The following HEMK2 variants were observed in gnomAD, a reference collection of about 807,000 sequenced individuals.
HEMK2 encodes methyltransferase HEMK2.
chr21:28,588,934 T>C, the HEMK2 span, among the ~76,000 whole-genome samples: 1 of 142,546 alleles, frequency 7.0e-6, no homozygotes, highest in Non-Finnish European at 1.5e-5. Context: ...AGTGAGCAGA[T>C]ATCACGCCAC....
the HEMK2 span, among the ~76,000 whole-genome samples, chr21:28,597,479 T>C: frequency 2.0e-5 from 3 of 152,216 alleles, no homozygotes; most frequent in Non-Finnish European, 2.9e-5. Flanking sequence ...TTCAGGGAAG[T>C]GATCAAATTC....
chr21:28,810,689 A>C, the HEMK2 span, among the ~76,000 whole-genome samples: 3 of 152,188 alleles, frequency 2.0e-5, no homozygotes, highest in Admixed American at 2.0e-4. Flanking sequence ...GACAATATCG[A>C]GCACATCTTT....
the HEMK2 span, among the ~76,000 whole-genome samples, chr21:28,774,931 T>C: frequency 6.6e-6 from 1 of 152,190 alleles, no homozygotes; most frequent in African/African-American, 2.4e-5. Context: ...TTGTTTTTAA[T>C]AATTTCATGA....
chr21:28,864,632 C>A, the HEMK2 span, among the ~76,000 whole-genome samples: 1 of 152,178 alleles, frequency 6.6e-6, no homozygotes, highest in African/African-American at 2.4e-5. Flanking sequence ...TAAAAAGTTT[C>A]ACTTCAATCC....
the HEMK2 span, among the ~76,000 whole-genome samples, chr21:28,836,457 G>C: frequency 6.6e-6 from 1 of 151,516 alleles, no homozygotes; most frequent in East Asian, 1.9e-4. Context: ...CCATTACCAA[G>C]CCACCACTAC....
At chr21:28,864,889 TGATA>T in the HEMK2 span, among the ~76,000 whole-genome samples, 4 of 95,470 alleles carry the variant, frequency 4.2e-5, no homozygotes, top group Admixed American at 3.0e-4. Context: ...TAGATATAGA[TGATA>T]GATAGATATA....
At chr21:28,783,871 C>A in the HEMK2 span, among the ~76,000 whole-genome samples, 298 of 152,354 alleles carry the variant, frequency 2.0e-3, 4 homozygotes, top group African/African-American at 7.0e-3. Flanking sequence ...GCACCACCAG[C>A]CCCGGGCAGT....
the HEMK2 span, among the ~76,000 whole-genome samples, chr21:28,841,194 T>TATA: frequency 4.7e-5 from 1 of 21,466 alleles, no homozygotes; most frequent in Admixed American, 9.6e-4. Flanking sequence ...TATTATAATA[T>TATA]ATATATTATA....
chr21:28,793,113 C>A, the HEMK2 span, among the ~76,000 whole-genome samples: 12,506 of 152,144 alleles, frequency 0.082, 1,176 homozygotes, highest in African/African-American at 0.22. Flanking sequence ...ATACAGCACA[C>A]ATTTATTCAC....
chr21:28,631,492 G>T, the HEMK2 span, among the ~76,000 whole-genome samples: 1 of 151,982 alleles, frequency 6.6e-6, no homozygotes, highest in Non-Finnish European at 1.5e-5. Flanking sequence ...ATGAGATCTG[G>T]AAATATGTGT....
the HEMK2 span, among the ~76,000 whole-genome samples, chr21:28,675,239 C>A: frequency 6.6e-6 from 1 of 151,978 alleles, no homozygotes; most frequent in East Asian, 1.9e-4. Flanking sequence ...GAAATAGCAA[C>A]CTTTTGCTGC....
the HEMK2 span, among the ~76,000 whole-genome samples, chr21:28,576,282 G>A: frequency 6.6e-6 from 1 of 151,956 alleles, no homozygotes. Context: ...CCTTTCTTGG[G>A]GTTAAGTGCT....
the HEMK2 span, among the ~76,000 whole-genome samples, chr21:28,696,949 C>T: frequency 2.6e-5 from 4 of 152,146 alleles, no homozygotes; most frequent in Non-Finnish European, 4.4e-5. Context: ...AGCTGGGACA[C>T]GGGGCACCAT....
At chr21:28,638,722 C>T in the HEMK2 span, among the ~76,000 whole-genome samples, 1 of 152,152 alleles carries the variant, frequency 6.6e-6, no homozygotes, top group South Asian at 2.1e-4. Flanking sequence ...TGTCTGGCAG[C>T]TAGATGATCC....
the HEMK2 span, among the ~76,000 whole-genome samples, chr21:28,649,332 C>G: frequency 6.6e-6 from 1 of 152,182 alleles, no homozygotes; most frequent in Non-Finnish European, 1.5e-5. Flanking sequence ...AAAGGGGGCT[C>G]TCGTCTGACC....
At chr21:28,778,974 C>T in the HEMK2 span, among the ~76,000 whole-genome samples, 4 of 152,132 alleles carry the variant, frequency 2.6e-5, no homozygotes, top group Non-Finnish European at 5.9e-5. Context: ...TTACGCATCA[C>T]GTTTTGGTAT....
At chr21:28,703,595 CT>C in the HEMK2 span, among the ~76,000 whole-genome samples, 1 of 152,168 alleles carries the variant, frequency 6.6e-6, no homozygotes, top group Non-Finnish European at 1.5e-5. Flanking sequence ...TCTGCTCATC[CT>C]TTATCTATGG....
chr21:28,686,099 G>A, the HEMK2 span, among the ~76,000 whole-genome samples: 464 of 152,338 alleles, frequency 3.0e-3, 1 homozygote, highest in African/African-American at 0.011. Context: ...CTGAGGCCTA[G>A]TCAAGAAGAG....
the HEMK2 span, among the ~76,000 whole-genome samples, chr21:28,666,782 G>C: frequency 2.0e-5 from 3 of 152,216 alleles, no homozygotes; most frequent in East Asian, 5.8e-4. Flanking sequence ...ACCATAATGT[G>C]TTCTGAGGAA....
Sources: allele counts gnomAD v4.1 joint callset (sites outside exome capture counted in the v4.1 genomes callset), GRCh38; gene constraint gnomAD v4.1.1; transcripts MANE v1.5; gene names NCBI Gene and HGNC (gene_info 2026-07-23, HGNC 2026-07-21).